The following LRP1B variants were observed in gnomAD, a reference collection of about 807,000 sequenced individuals.
The protein encoded by LRP1B is LDL receptor related protein 1B.
In LRP1B, 217 loss-of-function variants were observed where a neutral mutation model predicts 556.6. The observed-to-expected ratio is 0.39, with a 90% CI of 0.35 to 0.44. The LOEUF is 0.44. LRP1B is among the 20% of genes least tolerant of loss of function. LRP1B has a pLI of 1.00. For synonymous variants in LRP1B, 2,047 were observed against 1,865.8 expected (o/e 1.10, Z -2.50); for missense variants, 5,053 against 5,620.8 (o/e 0.90, Z 3.23).
intron 43 of LRP1B, among the ~76,000 whole-genome samples, chr2:140,554,231 T>C (rs1014577654): frequency 2.0e-5 from 3 of 152,098 alleles, no homozygotes; most frequent in African/African-American, 7.2e-5. Context: ...CCCAGAGGAC[T>C]CATGAGAATA....
Position 140,700,455 on chromosome 2 carries a change from T to C in LRP1B, c.6594A>G (p.Lys2198=). Residue 2198 remains lysine (K), a synonymous_variant, in exon 41 of 91, where the codon AAA becomes AAG. Coordinates refer to ENST00000389484, the MANE Select transcript of LRP1B (RefSeq NM_018557.3). ...TGGTTTCATCAGAAAGATGTATACT[T>C]TTTAATATTGTTCTTCCTGAATACA... The part of the protein sequence containing the change: ...YLLYSGRTIL[K]SIHLSDETNL... 6.2e-7 allele frequency: 1 copy of C among 1,613,394 alleles called. No homozygotes were observed. Among genetic ancestry groups the C allele is most frequent in the Non-Finnish European group, 8.5e-7 (1 of 1,179,548 alleles).
intron 55 of LRP1B, among the ~76,000 whole-genome samples, chr2:140,498,262 A>G (rs955121167): frequency 9.9e-5 from 15 of 151,898 alleles, no homozygotes; most frequent in African/African-American, 3.4e-4. Flanking sequence ...AAGAAAATAT[A>G]GCTGGCAGAA....
chr2:141,719,039 A>C (rs188974835), intron 2 of LRP1B, among the ~76,000 whole-genome samples: 32 of 152,318 alleles, frequency 2.1e-4, no homozygotes, highest in Admixed American at 1.0e-3. Context: ...AATAATAAAC[A>C]GAAATTCTGA....
At chr2:141,479,833 T>G (rs1682852377) in intron 3 of LRP1B, among the ~76,000 whole-genome samples, 1 of 152,176 alleles carries the variant, frequency 6.6e-6, no homozygotes, top group Non-Finnish European at 1.5e-5. Flanking sequence ...TTATTATCCC[T>G]CATATCATTA....
At chr2:141,476,180 G>A (rs1288471860) in intron 3 of LRP1B, among the ~76,000 whole-genome samples, 1 of 152,150 alleles carries the variant, frequency 6.6e-6, no homozygotes, top group African/African-American at 2.4e-5. Flanking sequence ...CCCAACAGAT[G>A]AGCCACAACT....
At chr2:141,444,928 G>A (rs1681128208) in intron 3 of LRP1B, among the ~76,000 whole-genome samples, 1 of 152,188 alleles carries the variant, frequency 6.6e-6, no homozygotes, top group East Asian at 1.9e-4. Context: ...GTATCAGGGT[G>A]ATGCTGGCCT....
At chr2:141,086,323 A>C (rs902559655) in intron 7 of LRP1B, among the ~76,000 whole-genome samples, 3 of 152,214 alleles carry the variant, frequency 2.0e-5, no homozygotes, top group African/African-American at 7.2e-5. Flanking sequence ...ATTTATTGAA[A>C]GCATTATTTC....
chr2:141,073,158 A>T (rs1039978520), intron 7 of LRP1B, among the ~76,000 whole-genome samples: 1 of 152,056 alleles, frequency 6.6e-6, no homozygotes, highest in Non-Finnish European at 1.5e-5. Flanking sequence ...TTGCTACAGA[A>T]TTTTTCATAC....
At chr2:141,091,491 G>A (rs1379105747) in intron 7 of LRP1B, among the ~76,000 whole-genome samples, 1 of 152,202 alleles carries the variant, frequency 6.6e-6, no homozygotes, top group East Asian at 1.9e-4. Context: ...CACGTGCACA[G>A]TGATTTTCTC....
intron 4 of LRP1B, among the ~76,000 whole-genome samples, chr2:141,252,489 T>C (rs1046401269): frequency 2.0e-5 from 3 of 152,142 alleles, no homozygotes; most frequent in African/African-American, 7.2e-5. Flanking sequence ...ATAGAAAAAA[T>C]ACAGCGTTTG....
chr2:141,405,407 A>G (rs570043068), intron 3 of LRP1B, among the ~76,000 whole-genome samples: 123 of 152,186 alleles, frequency 8.1e-4, no homozygotes, highest in Non-Finnish European at 1.9e-4. Context: ...TTATAGAACT[A>G]CATTAATTTA....
intron 3 of LRP1B, among the ~76,000 whole-genome samples, chr2:141,282,460 G>C (rs2105390483): frequency 1.6e-5 from 1 of 61,800 alleles, no homozygotes; most frequent in East Asian, 5.3e-4. Flanking sequence ...GGCCTCTCGG[G>C]GGTTTTATAT....
At chr2:141,718,410 T>G (rs1236209258) in intron 2 of LRP1B, among the ~76,000 whole-genome samples, 1 of 152,200 alleles carries the variant, frequency 6.6e-6, no homozygotes, top group African/African-American at 2.4e-5. Flanking sequence ...TTAAAAAGGA[T>G]GCTTTTGTTT....
intron 35 of LRP1B, among the ~76,000 whole-genome samples, chr2:140,749,688 G>A (rs1314256744): frequency 1.3e-5 from 2 of 151,954 alleles, no homozygotes; most frequent in East Asian, 1.9e-4. Flanking sequence ...GCCTTCTTCT[G>A]GAATACCTCC....
chr2:141,756,544 TACACACACACACACAC>T (rs35271250), intron 2 of LRP1B, among the ~76,000 whole-genome samples: 4 of 143,358 alleles, frequency 2.8e-5, no homozygotes, highest in South Asian at 2.2e-4. Flanking sequence ...TCTCTCAAAT[TACACACACACACACAC>T]ACACACACAC....
At chr2:140,314,402 TAATCTC>T (rs1207841451) in intron 83 of LRP1B, among the ~76,000 whole-genome samples, 1 of 152,082 alleles carries the variant, frequency 6.6e-6, no homozygotes, top group African/African-American at 2.4e-5. Context: ...AAATTAATAA[TAATCTC>T]AAATATATCC....
intron 2 of LRP1B, among the ~76,000 whole-genome samples, chr2:141,623,851 C>T (rs1233613871): frequency 6.6e-6 from 1 of 151,242 alleles, no homozygotes; most frequent in Non-Finnish European, 1.5e-5. Flanking sequence ...TCCGTCTCTG[C>T]TAAAAATACA....
chr2:141,177,341 C>T (rs1295502479), intron 7 of LRP1B, among the ~76,000 whole-genome samples: 1 of 152,052 alleles, frequency 6.6e-6, no homozygotes, highest in African/African-American at 2.4e-5. Context: ...TTAACTAATG[C>T]TGTAGTTGCT....
At chr2:141,461,548 C>T (rs115023529) in intron 3 of LRP1B, among the ~76,000 whole-genome samples, 4,234 of 151,992 alleles carry the variant, frequency 0.028, 101 homozygotes, top group Non-Finnish European at 0.037. Flanking sequence ...TAATGAGAAC[C>T]CCTATTGGTA....
Sources: gnomAD v4.1 joint callset for allele counts (sites outside exome capture counted in the v4.1 genomes callset) on GRCh38, gnomAD v4.1.1 for gene constraint, MANE v1.5 for transcripts, NCBI Gene and HGNC (gene_info 2026-07-23, HGNC 2026-07-21) for gene names.